Variants in ZSWIM6 observed in about 807,000 individuals in gnomAD.
The protein encoded by ZSWIM6 is zinc finger SWIM-type containing 6.
In ZSWIM6, 9 loss-of-function variants were observed where a neutral mutation model predicts 113.2. The observed-to-expected ratio is 0.08, with a 90% CI of 0.05 to 0.14. The LOEUF (loss-of-function observed/expected upper bound fraction) is 0.14. ZSWIM6 is among the 10% of genes least tolerant of loss of function. The pLI is 1.00. For synonymous variants in ZSWIM6, 611 were observed against 606.5 expected (o/e 1.01, Z -0.11); for missense variants, 1,162 against 1,552.2 (o/e 0.75, Z 4.22).
intron 1 of ZSWIM6, among the ~76,000 whole-genome samples, chr5:61,405,985 A>G (rs1034319468): frequency 2.6e-5 from 4 of 152,218 alleles, no homozygotes; most frequent in African/African-American, 7.2e-5. Context: ...GCTTGGGACT[A>G]CTGTGAAATA....
At chr5:61,333,009 G>GGGGGGGGGCC in intron 1 of ZSWIM6, 61 bp downstream of exon 1, 1 of 439,882 alleles carries the variant, frequency 2.3e-6, no homozygotes, top group Non-Finnish European at 3.2e-6. Context: ...TGGGGGGGGG[G>GGGGGGGGGCC]TGCCCGCCTT....
chr5:61,539,355 T>C (rs1237066523), intron 11 of ZSWIM6, among the ~76,000 whole-genome samples: 6 of 152,240 alleles, frequency 3.9e-5, no homozygotes, highest in Admixed American at 6.5e-5. Context: ...ATTGAGGGTG[T>C]GTCTCAGTGT....
At chr5:61,449,311 A>G (rs886360946) in intron 1 of ZSWIM6, among the ~76,000 whole-genome samples, 1 of 152,186 alleles carries the variant, frequency 6.6e-6, no homozygotes, top group Non-Finnish European at 1.5e-5. Flanking sequence ...TATTACTGAA[A>G]GGTATGTAAT....
intron 1 of ZSWIM6, among the ~76,000 whole-genome samples, chr5:61,351,264 T>A (rs1744777361): frequency 6.6e-6 from 1 of 152,176 alleles, no homozygotes; most frequent in Non-Finnish European, 1.5e-5. Flanking sequence ...TGCCTGAAAA[T>A]GGAAAAGGGA....
Position 61,465,807 on chromosome 5 carries a change from T to C in ZSWIM6, c.677-6874T>C, listed in dbSNP as rs1395633167. Among the ~76,000 whole-genome samples, 13 of 152,242 alleles carry C rather than the reference T, an allele frequency of 8.5e-5. No homozygotes were observed. In the East Asian group the frequency reaches 2.1e-3, roughly 25 times the overall value. On this transcript the variant is annotated intron_variant, in intron 1 of 13. Coordinates refer to ENST00000252744, the MANE Select transcript of ZSWIM6 (RefSeq NM_020928.2). Reference sequence around the variant, plus strand: ...AGTGTAGGAGTGATTGAGTTCTAAATAGGCATTTTTAAGGTAGTCTTAAAA... The same window carrying C: ...AGTGTAGGAGTGATTGAGTTCTAAACAGGCATTTTTAAGGTAGTCTTAAAA...
intron 1 of ZSWIM6, among the ~76,000 whole-genome samples, chr5:61,454,214 A>AATTTTATTTT (rs140502029): frequency 0.041 from 5,288 of 128,448 alleles, 225 homozygotes; most frequent in African/African-American, 0.088. Context: ...GAGTTCCCTA[A>AATTTTATTTT]ATTTTATTTT....
At position 61,482,050 on chromosome 5, in the gene ZSWIM6, A is replaced by G. The variant is rs529494298; in HGVS notation, c.1034-8736A>G. 1.8e-3 allele frequency among the ~76,000 whole-genome samples: 273 copies of G among 152,326 alleles called. 1 individual carries two copies. Among genetic ancestry groups the G allele is most frequent in the African/African-American group, 6.1e-3 (252 of 41,570 alleles). Reference sequence around the variant, plus strand: ...CAACGGTGGGAATATCTAACAGCAAATGTATAAATACATGAGTTATGTTTC... The same window carrying G: ...CAACGGTGGGAATATCTAACAGCAAGTGTATAAATACATGAGTTATGTTTC... On this transcript the variant is annotated intron_variant, in intron 2 of 13. Transcript: ENST00000252744.
rs914035995 is a variant in ZSWIM6, at chr5:61,339,739, C to A, written c.676+6791C>A. 7.0e-4 allele frequency among the ~76,000 whole-genome samples: 107 copies of A among 152,204 alleles called. 1 individual carries two copies. Among genetic ancestry groups the A allele is most frequent in the African/African-American group, 2.5e-3 (105 of 41,530 alleles). ...TAAAAAGGTAGTAAACAGTATGAAA[C>A]CCACAAAACCGTTTTTAGCTACCTT... On this transcript the variant is annotated intron_variant, in intron 1 of 13. Coordinates refer to ENST00000252744, the MANE Select transcript of ZSWIM6 (RefSeq NM_020928.2).
intron 1 of ZSWIM6, among the ~76,000 whole-genome samples, chr5:61,434,774 G>GT (rs1345988389): frequency 1.3e-5 from 2 of 152,098 alleles, no homozygotes; most frequent in South Asian, 2.1e-4. Context: ...AATAGACTTA[G>GT]TTTTTTTATG....
chr5:61,405,032 T>C (rs1406044061), intron 1 of ZSWIM6, among the ~76,000 whole-genome samples: 1 of 152,180 alleles, frequency 6.6e-6, no homozygotes, highest in Non-Finnish European at 1.5e-5. Context: ...ATATGACAAA[T>C]AAGGCCATAA....
At chr5:61,391,352 G>C in intron 1 of ZSWIM6, 1 of 823,386 alleles carries the variant, frequency 1.2e-6, no homozygotes, top group Non-Finnish European at 2.2e-6. Flanking sequence ...TTCCTCTGGT[G>C]CAGAGGAAGC....
At chr5:61,369,048 A>G (rs1183572797) in intron 1 of ZSWIM6, among the ~76,000 whole-genome samples, 1 of 152,222 alleles carries the variant, frequency 6.6e-6, no homozygotes, top group African/African-American at 2.4e-5. Flanking sequence ...ACCAAATAAT[A>G]TTTTGTATGT....
At chr5:61,489,633 G>A (rs1460831997) in intron 2 of ZSWIM6, among the ~76,000 whole-genome samples, 1 of 152,080 alleles carries the variant, frequency 6.6e-6, no homozygotes, top group South Asian at 2.1e-4. Flanking sequence ...CTTATTGTGG[G>A]TCTTGTTCAG....
At chr5:61,500,306 T>G (rs1438968415) in intron 4 of ZSWIM6, among the ~76,000 whole-genome samples, 2 of 151,910 alleles carry the variant, frequency 1.3e-5, no homozygotes, top group African/African-American at 2.4e-5. Flanking sequence ...TTTTGTATTT[T>G]TAGTAGAGAT....
At chr5:61,446,814 A>G (rs537585218) in intron 1 of ZSWIM6, among the ~76,000 whole-genome samples, 27 of 152,306 alleles carry the variant, frequency 1.8e-4, no homozygotes, top group African/African-American at 6.3e-4. Flanking sequence ...ATAAATGTAC[A>G]TACACATAAA....
At chr5:61,429,239 G>A (rs1258729760) in intron 1 of ZSWIM6, among the ~76,000 whole-genome samples, 3 of 152,188 alleles carry the variant, frequency 2.0e-5, no homozygotes, top group African/African-American at 4.8e-5. Context: ...GAATGATGGT[G>A]TGCTTCTTGC....
chr5:61,446,467 C>A (rs1046243070), intron 1 of ZSWIM6, among the ~76,000 whole-genome samples: 1 of 152,174 alleles, frequency 6.6e-6, no homozygotes, highest in Non-Finnish European at 1.5e-5. Flanking sequence ...AAAATTCAGG[C>A]ATTTTCATTA....
intron 4 of ZSWIM6, among the ~76,000 whole-genome samples, chr5:61,499,797 G>A (rs1439963455): frequency 6.6e-6 from 1 of 152,122 alleles, no homozygotes; most frequent in African/African-American, 2.4e-5. Context: ...TGGTAGACAG[G>A]TATCATAAAA....
intron 1 of ZSWIM6, among the ~76,000 whole-genome samples, chr5:61,404,668 C>T (rs1746012453): frequency 6.6e-6 from 1 of 152,184 alleles, no homozygotes; most frequent in Non-Finnish European, 1.5e-5. Flanking sequence ...GAAGCTAAGT[C>T]CAAGAGAGGA....
Sources: gnomAD v4.1 joint callset for allele counts (sites outside exome capture counted in the v4.1 genomes callset) on GRCh38, gnomAD v4.1.1 for gene constraint, MANE v1.5 for transcripts, NCBI Gene and HGNC (gene_info 2026-07-23, HGNC 2026-07-21) for gene names.